The following TNRC6C variants were observed in gnomAD, a reference collection of about 807,000 sequenced individuals.
The protein encoded by TNRC6C is trinucleotide repeat containing adaptor 6C.
Under a neutral mutation model 153.7 loss-of-function variants are expected in TNRC6C, and 20 were observed. The observed-to-expected ratio is 0.13, with a 90% CI of 0.09 to 0.19. The LOEUF is 0.19. Ranked by LOEUF, TNRC6C falls within the 10% of genes least tolerant of loss-of-function variation. The pLI is 1.00. For missense variants in TNRC6C, 1,987 were observed against 2,172.0 expected (o/e 0.91, Z 1.69); for synonymous variants, 811 against 841.4 (o/e 0.96, Z 0.63).
exon 20 of TNRC6C, chr17:78,105,779 GGTT>G (rs747679067): frequency 6.6e-6 from 1 of 152,098 alleles, no homozygotes; most frequent in Non-Finnish European, 1.5e-5. Flanking sequence ...TTGGTCAAAC[GGTT>G]GTTATTATTA....
At chr17:78,098,238 CAGTCTGCTGGTGTTAGAG>C in intron 16 of TNRC6C, 87 bp from the exon 20 acceptor site, 1 of 1,106,440 alleles carries the variant, frequency 9.0e-7, no homozygotes, top group Non-Finnish European at 1.3e-6. Flanking sequence ...GCCTATCACA[CAGTCTGCTGGTGTTAGAG>C]AGCACTCTGT....
chr17:78,051,066 T>C, exon 3 of TNRC6C: 1 of 1,608,354 alleles, frequency 6.2e-7, no homozygotes, highest in South Asian at 1.1e-5. Flanking sequence ...AGAACTGGGC[T>C]AGCAAACCCC....
chr17:78,048,839 T>C lies in TNRC6C; in HGVS notation c.-218-6T>C, dbSNP rs2072460994. On this transcript the variant is annotated splice_polypyrimidine_tract_variant and splice_region_variant and intron_variant, in intron 2 of 19. Transcript: ENST00000301624. ...CTAATTTTGAATTTTGTTTCATCTTTTTCAGATCTCAGTCATAGTGGATTG... is the reference window on the plus strand; with the variant it reads ...CTAATTTTGAATTTTGTTTCATCTTCTTCAGATCTCAGTCATAGTGGATTG... 8.1e-7 allele frequency: 1 copy of C among 1,233,466 alleles called. No individual in the cohort carries two copies. The highest frequency in any genetic ancestry group is 1.0e-6 in the Non-Finnish European group (1 of 989,036). The allele number at this position is 1,233,466 out of a possible 1,614,324, so 76.4% of individuals were successfully genotyped here.
At chr17:77,993,290 C>A (rs981679052) in intron 1 of TNRC6C, among the ~76,000 whole-genome samples, 2 of 152,060 alleles carry the variant, frequency 1.3e-5, no homozygotes, top group Non-Finnish European at 2.9e-5. Context: ...TTAAAAGAAA[C>A]CAGAAAGCCA....
At chr17:77,986,681 CTG>C (rs2071174422) in intron 1 of TNRC6C, among the ~76,000 whole-genome samples, 1 of 151,872 alleles carries the variant, frequency 6.6e-6, no homozygotes, top group Non-Finnish European at 1.5e-5. Flanking sequence ...TTTTATGAAA[CTG>C]GAATAATTTA....
rs76523536 is a variant in TNRC6C at position 78,009,915 on chromosome 17, A to T, written c.-546+4836A>T. On this transcript the variant is annotated intron_variant, in intron 1 of 19. Coordinates refer to ENST00000301624, the Ensembl canonical transcript of TNRC6C. ...TACTTTTTTTGAGAGAGAGGGTCTA[A>T]CTCTGTTGCCCAGGCTGGAGTGTAG... 8.6e-3 allele frequency among the ~76,000 whole-genome samples: 1,286 copies of T among 148,688 alleles called. 18 individuals are homozygous for T. The highest frequency in any genetic ancestry group is 0.03 in the African/African-American group (1,190 of 40,242).
chr17:78,073,304 T>A (rs889013287), intron 7 of TNRC6C, among the ~76,000 whole-genome samples: 2 of 152,236 alleles, frequency 1.3e-5, no homozygotes, highest in Non-Finnish European at 2.9e-5. Flanking sequence ...CAATGCCATA[T>A]TTGAAGCATG....
At chr17:78,004,292 A>G (rs2071459062), upstream of TNRC6C, 1 of 1,231,696 alleles carries the variant, frequency 8.1e-7, no homozygotes, top group South Asian at 4.1e-5. Flanking sequence ...TTCCTGCTTC[A>G]TTGTCTTTGT....
At position 77,990,414 on chromosome 17, in the gene TNRC6C, C is replaced by T. The variant is rs139460018; in HGVS notation, c.-37-13756C>T. Among the ~76,000 whole-genome samples the T allele has an allele frequency of 1.2e-3, 190 of 152,316 alleles. 1 individual carries two copies. Among genetic ancestry groups the T allele is most frequent in the African/African-American group, 4.3e-3 (180 of 41,566 alleles). On this transcript the variant is annotated intron_variant, in intron 1 of 22. Coordinates refer to the TNRC6C transcript ENST00000636222. ...AAAATTTAACCTAAGTCTTCCCCAC[C>T]AGACTGGGTGTAGCCATTTCTTTCA...
chr17:78,097,822 A>G, intron 16 of TNRC6C: 1 of 1,550,634 alleles, frequency 6.4e-7, no homozygotes, highest in Non-Finnish European at 8.7e-7. Context: ...CGGCTACAGT[A>G]GCTCTTTCAG....
At chr17:78,028,794 C>G (rs976527510) in intron 1 of TNRC6C, among the ~76,000 whole-genome samples, 2 of 152,172 alleles carry the variant, frequency 1.3e-5, no homozygotes, top group Non-Finnish European at 2.9e-5. Context: ...TGTTTCTCAG[C>G]TATCAAACCA....
chr17:77,991,578 C>A (rs943992031), intron 1 of TNRC6C, among the ~76,000 whole-genome samples: 1 of 152,152 alleles, frequency 6.6e-6, no homozygotes, highest in Non-Finnish European at 1.5e-5. Context: ...TTTCCTTCCT[C>A]TAGTGAATAA....
At chr17:77,999,405 CCT>C (rs2071378031), upstream of TNRC6C, among the ~76,000 whole-genome samples, 1 of 152,210 alleles carries the variant, frequency 6.6e-6, no homozygotes, top group African/African-American at 2.4e-5. Context: ...CATTTTAACT[CCT>C]CTTCCCAAAC....
At chr17:77,957,907 G>A (rs2070820827), upstream of TNRC6C, among the ~76,000 whole-genome samples, 1 of 152,240 alleles carries the variant, frequency 6.6e-6, no homozygotes, top group African/African-American at 2.4e-5. Flanking sequence ...GGCCCGGACC[G>A]AAGGCTTGCG....
chr17:77,981,250 G>GT (rs59522371), intron 1 of TNRC6C, among the ~76,000 whole-genome samples: 2,768 of 152,314 alleles, frequency 0.018, 28 homozygotes, highest in Middle Eastern at 0.041. Context: ...CCCCTTTTGG[G>GT]TTTTTATGAG....
intron 3 of TNRC6C, among the ~76,000 whole-genome samples, chr17:78,058,229 G>C (rs1319390712): frequency 6.6e-6 from 1 of 152,182 alleles, no homozygotes; most frequent in African/African-American, 2.4e-5. Context: ...TGTTTTACCA[G>C]TTAGTGGGAT....
Position 78,079,589 on chromosome 17 carries a change from G to T in TNRC6C, c.3357+48G>T. On this transcript the variant is annotated intron_variant, in intron 10 of 19. Transcript: ENST00000301624. The surrounding 1 kb of genome is among the most constrained non-coding windows in gnomAD (Gnocchi z 4.3). ...ACTGAGCAACAGGATATAGATGCCA[G>T]TGTTTCGTGGGGTCCTGTGTTATCT... is the stretch of plus-strand genomic sequence containing the variant. 1 of 1,597,418 alleles carries T rather than the reference G, an allele frequency of 6.3e-7. No homozygotes were observed. Among genetic ancestry groups the T allele is most frequent in the Non-Finnish European group, 8.6e-7 (1 of 1,167,146 alleles).
Position 78,104,806 on chromosome 17 carries a change from C to T in TNRC6C, c.5034C>T (p.Thr1678=), listed in dbSNP as rs754149771. 3.4e-5 allele frequency: 49 copies of T among 1,438,150 alleles called. No homozygotes were observed. The highest frequency in any genetic ancestry group is 4.4e-5 in the Non-Finnish European group (48 of 1,096,244). 89.1% of individuals were successfully genotyped at this position (1,438,150 alleles called of 1,614,324 possible). A position where few individuals can be genotyped will look rare whatever the true frequency, so the allele number is the denominator to read the frequency against. The stretch of plus-strand genomic sequence containing the variant: ...TAGGCAGCCCCACGCCGCTAACCAC[C>T]CTGCTGCCTGGGGACCTGCTCAGCG... Residue 1678 remains threonine (T), a synonymous_variant, in exon 20 of 20, where the codon ACC becomes ACT. Transcript: ENST00000301624. The surrounding 1 kb of genome is among the most constrained non-coding windows in gnomAD (Gnocchi z 6.2).
At chr17:78,081,235 A>G (rs1007302196) in intron 10 of TNRC6C, among the ~76,000 whole-genome samples, 1 of 150,890 alleles carries the variant, frequency 6.6e-6, no homozygotes. Flanking sequence ...CGCTCTTAAC[A>G]CCACCACAAT....
Sources: allele counts gnomAD v4.1 joint callset (sites outside exome capture counted in the v4.1 genomes callset), GRCh38; gene constraint gnomAD v4.1.1; non-coding constraint Gnocchi (gnomAD v3.1); transcripts MANE v1.5; gene names NCBI Gene and HGNC (gene_info 2026-07-23, HGNC 2026-07-21).